The following CD68 variants were observed in gnomAD, a reference collection of about 807,000 sequenced individuals.
CD68 encodes the protein CD68 molecule, also known as macrosialin.
CD68 carries 24 observed loss-of-function variants against 31.3 expected under a neutral mutation model. The ratio of observed to expected loss-of-function variants is 0.77; its 90% CI spans 0.55 to 1.08. CD68 has a LOEUF of 1.08. Among genes scored for constraint, CD68 ranks in the 50% least tolerant of loss-of-function variants. The pLI is 0.00. For missense variants in CD68, 461 were observed against 442.5 expected (o/e 1.04, Z -0.38); for synonymous variants, 190 against 179.6 (o/e 1.06, Z -0.46).
In CD68 at chr17:7,581,631, C is replaced by T. The variant is rs1400460444; in HGVS notation, c.*120C>T. On this transcript the variant is annotated 3_prime_UTR_variant, in exon 6 of 6. Transcript: ENST00000250092. The stretch of plus-strand genomic sequence containing the variant: ...TATTTTCCTTCCCTTTCTTGAAGAA[C>T]AAAAAGAAAGCCGGGCATGACGGCT... 4 of 1,159,690 alleles carry T rather than the reference C, an allele frequency of 3.4e-6. No individual in the cohort carries two copies. Among genetic ancestry groups the T allele is most frequent in the East Asian group, 2.5e-5 (1 of 40,582 alleles). The allele number at this position is 1,159,690 out of a possible 1,614,324, so 71.8% of individuals were successfully genotyped here.
At position 7,580,293 on chromosome 17, in the gene CD68, TTCGAG is replaced by T; in HGVS notation, c.536_540del (p.Arg179HisfsTer28). 1 of 1,613,734 alleles carries T rather than the reference TTCGAG, an allele frequency of 6.2e-7. No homozygotes were observed. On this transcript the variant is annotated frameshift_variant, in exon 2 of 6. Coordinates refer to ENST00000250092, the MANE Select transcript of CD68 (RefSeq NM_001251.3). LOFTEE classifies it high-confidence loss of function. This position sits in a 1 kb window ranked among gnomAD's most constrained non-coding sequence, Gnocchi z 4.3. ...GTCCACCTCCAAGCCCAGATTCAGA[TTCGAG>T]TCATGTACACAACCCAGGGTGGAGG...
chr17:7,581,222 AAG>A (rs1204774911), intron 5 of CD68, 154 bp from the exon 6 acceptor site: 16 of 1,169,450 alleles, frequency 1.4e-5, no homozygotes, highest in Non-Finnish European at 1.9e-5. Flanking sequence ...CATCCTCTAC[AAG>A]ACTCTGCCAG....
At position 7,580,000 on chromosome 17, in the gene CD68, C is replaced by G. The variant is rs571157298; in HGVS notation, c.240C>G (p.Asn80Lys). 1.9e-6 allele frequency: 3 copies of G among 1,609,234 alleles called. No individual in the cohort carries two copies. The African/African-American group carries it at 4.0e-5, about 21-fold the overall frequency. Residue 80 changes from asparagine (N) to lysine (K), a missense_variant, in exon 2 of 6, where the codon AAC (asparagine) becomes AAG (lysine). Coordinates refer to ENST00000250092, the MANE Select transcript of CD68 (RefSeq NM_001251.3). ...ACGGACCCACGACTGCCACTCACAACCCCACCACCACCAGCCATGGAAACG... is the reference window on the plus strand; with the variant it reads ...ACGGACCCACGACTGCCACTCACAAGCCCACCACCACCAGCCATGGAAACG... Reference protein sequence around the residue: ...TSHGPTTATHNPTTTSHGNVT... With the variant: ...TSHGPTTATHKPTTTSHGNVT...
chr17:7,580,308 C>A lies in CD68; in HGVS notation c.548C>A (p.Thr183Lys). ...CAGATTCAGATTCGAGTCATGTACA[C>A]AACCCAGGGTGGAGGAGAGGTAAAG... is the stretch of plus-strand genomic sequence containing the variant. Reference protein sequence around the residue: ...QAQIQIRVMYTTQGGGEAWGI... With the variant: ...QAQIQIRVMYKTQGGGEAWGI... The change falls in exon 2 of 6, where the codon ACA (threonine) becomes AAA (lysine). Residue 183 changes from threonine to lysine, a missense_variant. By Grantham distance (78) the Thr-to-Lys change is moderately conservative. Coordinates refer to ENST00000250092, the MANE Select transcript of CD68 (RefSeq NM_001251.3). The surrounding 1 kb of genome is among the most constrained non-coding windows in gnomAD (Gnocchi z 4.3). The A allele has an allele frequency of 6.2e-7, 1 of 1,613,694 alleles. No individual in the cohort carries two copies.
intron 1 of CD68, 40 bp downstream of exon 1, chr17:7,579,766 G>A: frequency 1.2e-6 from 2 of 1,603,444 alleles, no homozygotes; most frequent in Non-Finnish European, 1.7e-6. Flanking sequence ...GCCCCTGGGA[G>A]GGAGCCTGCC....
rs1269677900 is a variant in CD68 at position 7,580,451 on chromosome 17, C to CT, written c.568-12dup. The CT allele has an allele frequency of 3.1e-6, 5 of 1,613,972 alleles. No individual in the cohort carries two copies. The highest frequency in any genetic ancestry group is 2.2e-5 in the East Asian group (1 of 44,872). On this transcript the variant is annotated splice_polypyrimidine_tract_variant and intron_variant, in intron 2 of 5. Transcript: ENST00000250092. This position sits in a 1 kb window ranked among gnomAD's most constrained non-coding sequence, Gnocchi z 4.3. ...GCATGCAGTCTTGTGACCTTCCAGT[C>CT]TTTAACTTCCGCAGGCCTGGGGCAT...
Position 7,579,960 on chromosome 17 carries a change from C to G in CD68, c.200C>G (p.Thr67Arg), listed in dbSNP as rs1172755203. ...ACCACCACTCACAGGACAACCACCA[C>G]AGGCACCACCAGCCACGGACCCACG... Reference protein sequence around the residue: ...HKTTTHRTTTTGTTSHGPTTA... With the variant: ...HKTTTHRTTTRGTTSHGPTTA... Residue 67 changes from threonine (T) to arginine (R), a missense_variant, in exon 2 of 6, where the codon ACA becomes AGA. Transcript: ENST00000250092. 5 of 1,613,894 alleles carry G rather than the reference C, an allele frequency of 3.1e-6. No individual in the cohort carries two copies. Among genetic ancestry groups the G allele is most frequent in the Non-Finnish European group, 4.2e-6 (5 of 1,179,962 alleles).
rs1468272030 is a variant in CD68, at chr17:7,581,953, T to C, written c.*442T>C. 7.5e-6 allele frequency: 1 copy of C among 133,030 alleles called. No individual in the cohort carries two copies. Among genetic ancestry groups the C allele is most frequent in the African/African-American group, 3.0e-5 (1 of 33,028 alleles). 8.2% of individuals were successfully genotyped at this position (133,030 alleles called of 1,614,324 possible). ...AGCCAGACTGTCTCAAATAAATAAA[T>C]ATGAGATAATGCAGTCGGGAGAAGG... On this transcript the variant is annotated 3_prime_UTR_variant, in exon 6 of 6. Transcript: ENST00000250092.
At position 7,580,618 on chromosome 17, in the gene CD68, C is replaced by T; in HGVS notation, c.687+33C>T. 6.2e-7 allele frequency: 1 copy of T among 1,613,754 alleles called. No individual in the cohort carries two copies. On this transcript the variant is annotated intron_variant, in intron 3 of 5. Transcript: ENST00000250092. The surrounding 1 kb of genome is among the most constrained non-coding windows in gnomAD (Gnocchi z 4.3). ...CATGACCTCAGTCTCACCCCTCACT[C>T]AGCCTCCCGGCGCCCCTCCCCTCCC...
At chr17:7,581,101 T>C in intron 5 of CD68, 35 bp downstream of exon 5, 1 of 1,578,836 alleles carries the variant, frequency 6.3e-7, no homozygotes. Context: ...CCTAGAATCC[T>C]CCCACTGCAC....
Position 7,580,979 on chromosome 17 carries a change from A to T in CD68, c.844A>T (p.Ile282Phe). ...GQSFSCSNSS[I>F]ILSPAVHLDL... is the part of the protein sequence containing the mutation. ...GAGCTTCAGTTGCAGCAACTCGAGCATCATTCTTTCACCAGCTGTCCACCT... is the reference window on the plus strand; with the variant it reads ...GAGCTTCAGTTGCAGCAACTCGAGCTTCATTCTTTCACCAGCTGTCCACCT... Residue 282 changes from isoleucine to phenylalanine, a missense_variant, in exon 5 of 6, where the codon ATC becomes TTC. Physicochemically the swap from Ile to Phe is conservative, Grantham distance 21. Coordinates refer to ENST00000250092, the MANE Select transcript of CD68 (RefSeq NM_001251.3). This position sits in a 1 kb window ranked among gnomAD's most constrained non-coding sequence, Gnocchi z 4.3. 1 of 1,613,960 alleles carries T rather than the reference A, an allele frequency of 6.2e-7. No individual in the cohort carries two copies. The highest frequency in any genetic ancestry group is 1.3e-5 in the African/African-American group (1 of 74,974).
rs1450863706 is a variant in CD68 at position 7,581,391 on chromosome 17, C to G, written c.945C>G (p.Pro315=). The change falls in exon 6 of 6, where the codon CCC becomes CCG. Residue 315 remains proline (P), a synonymous_variant. Coordinates refer to ENST00000250092, the MANE Select transcript of CD68 (RefSeq NM_001251.3). ...TGVFGQSFSC[P]SDRSILLPLI... ...TCCTTCCGCCAGGTTTCTCCTGCCC[C>G]AGTGACCGGTCCATCTTGCTGCCTC... 3 of 1,614,170 alleles carry G rather than the reference C, an allele frequency of 1.9e-6. No individual in the cohort carries two copies. Among genetic ancestry groups the G allele is most frequent in the Non-Finnish European group, 2.5e-6 (3 of 1,180,034 alleles).
chr17:7,581,193 T>C lies in CD68; in HGVS notation c.931+127T>C, dbSNP rs933496998. 20 of 1,159,258 alleles carry C rather than the reference T, an allele frequency of 1.7e-5. No homozygotes were observed. The Admixed American group carries it at 2.6e-4, about 15-fold the overall frequency. The allele number at this position is 1,159,258 out of a possible 1,614,324, so 71.8% of individuals were successfully genotyped here. On this transcript the variant is annotated intron_variant, in intron 5 of 5. Transcript: ENST00000250092. ...TCTCGCTCTCCCAGCTTGTCATGGCTACAGGGCAGCTTTCTTTCCATCCTC... is the reference window on the plus strand; with the variant it reads ...TCTCGCTCTCCCAGCTTGTCATGGCCACAGGGCAGCTTTCTTTCCATCCTC...
chr17:7,580,285 G>A lies in CD68; in HGVS notation c.525G>A (p.Gln175=), dbSNP rs199944304. ...GSQPCVHLQA[Q]IQIRVMYTTQ... Reference sequence around the variant, plus strand: ...AGCCCTGTGTCCACCTCCAAGCCCAGATTCAGATTCGAGTCATGTACACAA... The same window carrying A: ...AGCCCTGTGTCCACCTCCAAGCCCAAATTCAGATTCGAGTCATGTACACAA... Residue 175 remains glutamine, a synonymous_variant, in exon 2 of 6, where the codon CAG becomes CAA. Coordinates refer to ENST00000250092, the MANE Select transcript of CD68 (RefSeq NM_001251.3). This position sits in a 1 kb window ranked among gnomAD's most constrained non-coding sequence, Gnocchi z 4.3. The A allele has an allele frequency of 6.2e-7, 1 of 1,613,990 alleles. No homozygotes were observed. Among genetic ancestry groups the A allele is most frequent in the Non-Finnish European group, 8.5e-7 (1 of 1,179,970 alleles).
Position 7,580,669 on chromosome 17 carries a change from GT to G in CD68, c.688-41del. On this transcript the variant is annotated intron_variant, in intron 3 of 5. Transcript: ENST00000250092. This position sits in a 1 kb window ranked among gnomAD's most constrained non-coding sequence, Gnocchi z 4.3. Reference sequence around the variant, plus strand: ...AATCCCACACGCTACTCCTTCCTCTGTGGAGAGGGATACCACCTGCGCCTTC... The same window carrying G: ...AATCCCACACGCTACTCCTTCCTCTGGGAGAGGGATACCACCTGCGCCTTC... The G allele has an allele frequency of 6.2e-7, 1 of 1,613,734 alleles. No individual in the cohort carries two copies. Among genetic ancestry groups the G allele is most frequent in the Non-Finnish European group, 8.5e-7 (1 of 1,179,786 alleles).
Position 7,580,094 on chromosome 17 carries a change from GCCA to G in CD68, c.339_341del (p.Thr114del), listed in dbSNP as rs2071464184. On this transcript the variant is annotated inframe_deletion, in exon 2 of 6. Coordinates refer to ENST00000250092, the MANE Select transcript of CD68 (RefSeq NM_001251.3). The surrounding 1 kb of genome is among the most constrained non-coding windows in gnomAD (Gnocchi z 4.3). ...ACCCTCAACTGCCACTCACAGTCCT[GCCA>G]CCACTAGTCATGGAAATGCCACGGT... 1.9e-6 allele frequency: 3 copies of G among 1,613,726 alleles called. No homozygotes were observed. Among genetic ancestry groups the G allele is most frequent in the Admixed American group, 1.7e-5 (1 of 59,954 alleles).
In CD68 at chr17:7,579,701, G is replaced by A. The variant is rs760553293; in HGVS notation, c.24G>A (p.Ser8=). The A allele has an allele frequency of 5.0e-6, 8 of 1,603,094 alleles. No individual in the cohort carries two copies. Among genetic ancestry groups the A allele is most frequent in the East Asian group, 2.2e-5 (1 of 44,814 alleles). Residue 8 remains serine (S), a synonymous_variant, in exon 1 of 6, where the codon TCG becomes TCA. Transcript: ENST00000250092. MRLAVLF[S]GALLGLLAAQ... ...CCATGAGGCTGGCTGTGCTTTTCTC[G>A]GGGGCCCTGCTGGGGCTACTGGCAG...
In CD68 at chr17:7,580,367, G is replaced by A. The variant is rs1174478660; in HGVS notation, c.567+40G>A. The A allele has an allele frequency of 3.1e-6, 5 of 1,608,470 alleles. No homozygotes were observed. Among genetic ancestry groups the A allele is most frequent in the East Asian group, 4.5e-5 (2 of 44,774 alleles). ...GGGGGATGAGAGGGGAGGGAGGCAG[G>A]ACTGGATATAGGCTCAGAGGGAAGA... On this transcript the variant is annotated intron_variant, in intron 2 of 5. Coordinates refer to ENST00000250092, the MANE Select transcript of CD68 (RefSeq NM_001251.3). This position sits in a 1 kb window ranked among gnomAD's most constrained non-coding sequence, Gnocchi z 4.3.
chr17:7,581,340 G>A (rs368999043), intron 5 of CD68, 38 bp from the exon 6 acceptor site: 26 of 1,613,082 alleles, frequency 1.6e-5, no homozygotes, highest in Non-Finnish European at 2.1e-5. Flanking sequence ...CAACCAGCAC[G>A]TCACTGCAAA....
Sources: allele counts gnomAD v4.1 joint callset, GRCh38; gene constraint gnomAD v4.1.1; non-coding constraint Gnocchi (gnomAD v3.1); transcripts MANE v1.5; gene names NCBI Gene and HGNC (gene_info 2026-07-23, HGNC 2026-07-21).